The following ARHGAP29 variants were observed in gnomAD, a reference collection of about 807,000 sequenced individuals.
ARHGAP29 encodes rho GTPase-activating protein 29.
A neutral mutation model predicts 122.6 loss-of-function variants in ARHGAP29; 43 were observed. That is an observed-to-expected ratio of 0.35 (90% confidence interval 0.27 to 0.45). ARHGAP29 has a LOEUF of 0.45. Ranked by LOEUF, ARHGAP29 falls within the 20% of genes least tolerant of loss-of-function variation. ARHGAP29 has a pLI of 1.00. For synonymous variants in ARHGAP29, 506 were observed against 497.1 expected, an observed-to-expected ratio of 1.02 and a Z score of -0.24; for missense variants, 1,303 against 1,477.2, an observed-to-expected ratio of 0.88 and a Z score of 1.93.
chr1:94,308,013 G>A, the ARHGAP29 span, among the ~76,000 whole-genome samples: 1 of 152,216 alleles, frequency 6.6e-6, no homozygotes, highest in East Asian at 1.9e-4. Flanking sequence ...ATTACTCTCT[G>A]TCCCTCCTCT....
intron 13 of ARHGAP29, 80 bp downstream of exon 13, chr1:94,189,846 C>G (rs1027889557): frequency 8.6e-6 from 12 of 1,397,972 alleles, no homozygotes; most frequent in Non-Finnish European, 1.1e-5. Context: ...TTAGAAAAGT[C>G]TCCTCCTTGT....
At chr1:94,178,228 T>C (rs1476280043) in intron 20 of ARHGAP29, 61 bp from the exon 21 acceptor site, 1 of 1,499,462 alleles carries the variant, frequency 6.7e-7, no homozygotes, top group African/African-American at 1.4e-5. Context: ...TTGACTGTAG[T>C]TTACTATGGA....
At chr1:94,292,217 G>C in the ARHGAP29 span, among the ~76,000 whole-genome samples, 1 of 151,946 alleles carries the variant, frequency 6.6e-6, no homozygotes, top group Admixed American at 6.6e-5. Context: ...TTCAATCACT[G>C]ATGTCCTTTC....
intron 1 of ARHGAP29, among the ~76,000 whole-genome samples, chr1:94,253,266 ATCCAT>A (rs1367090325): frequency 6.6e-6 from 1 of 151,800 alleles, no homozygotes; most frequent in Non-Finnish European, 1.5e-5. Context: ...ACTGCGCCCG[ATCCAT>A]TCTCTTTTAT....
At position 94,172,931 on chromosome 1, in the gene ARHGAP29, C is replaced by T. The variant is rs1403199767; in HGVS notation, c.*938G>A. 3 of 152,388 alleles carry T rather than the reference C, an allele frequency of 2.0e-5. No individual in the cohort carries two copies. The highest frequency in any genetic ancestry group is 7.2e-5 in the African/African-American group (3 of 41,408). 9.4% of individuals were successfully genotyped at this position (152,388 alleles called of 1,614,324 possible). On this transcript the variant is annotated 3_prime_UTR_variant, in exon 23 of 23. Coordinates refer to ENST00000260526, the MANE Select transcript of ARHGAP29 (RefSeq NM_004815.4). ...ATATGTACTTTCAGTTGTTGACAATCCAGGTAGAACAAGTACATAAAATGA... is the reference window on the plus strand; with the variant it reads ...ATATGTACTTTCAGTTGTTGACAATTCAGGTAGAACAAGTACATAAAATGA...
At chr1:94,207,322 T>G (rs1651267677) in intron 5 of ARHGAP29, among the ~76,000 whole-genome samples, 1 of 152,124 alleles carries the variant, frequency 6.6e-6, no homozygotes, top group South Asian at 2.1e-4. Context: ...TTAAAGGGTA[T>G]TTTTCAAAAC....
intron 3 of ARHGAP29, 109 bp downstream of exon 3, chr1:94,220,149 A>T: frequency 8.2e-7 from 1 of 1,220,432 alleles, no homozygotes; most frequent in Non-Finnish European, 1.2e-6. Context: ...ATTAACATAC[A>T]TCACACAAAT....
At chr1:94,293,422 AC>A in the ARHGAP29 span, among the ~76,000 whole-genome samples, 1 of 152,058 alleles carries the variant, frequency 6.6e-6, no homozygotes, top group African/African-American at 2.4e-5. Flanking sequence ...AAATCCCCCG[AC>A]CCTTTGCACT....
At chr1:94,278,853 A>G (rs1231006376), upstream of ARHGAP29, among the ~76,000 whole-genome samples, 1 of 152,234 alleles carries the variant, frequency 6.6e-6, no homozygotes, top group Non-Finnish European at 1.5e-5. Flanking sequence ...AATAAATACA[A>G]GCAAATGCTT....
chr1:94,255,765 T>C (rs1281745836), intron 1 of ARHGAP29, among the ~76,000 whole-genome samples: 1 of 152,226 alleles, frequency 6.6e-6, no homozygotes, highest in African/African-American at 2.4e-5. Context: ...GATTGATTCG[T>C]TTCTGCTCAG....
the ARHGAP29 span, among the ~76,000 whole-genome samples, chr1:94,296,923 T>C: frequency 6.6e-6 from 1 of 152,074 alleles, no homozygotes; most frequent in Non-Finnish European, 1.5e-5. Flanking sequence ...TAGTAGAAAA[T>C]GGGTTATATT....
Position 94,220,526 on chromosome 1 carries a change from T to A in ARHGAP29, c.206-134A>T, listed in dbSNP as rs1289028519. The A allele has an allele frequency of 9.1e-6, 6 of 656,810 alleles. No individual in the cohort carries two copies. The East Asian group carries it at 1.4e-4, about 16-fold the overall frequency. The allele number at this position is 656,810 out of a possible 1,614,324, so 40.7% of individuals were successfully genotyped here. Reference sequence around the variant, plus strand: ...TTTGCCTACTATACATTCATTTATATCTTCACTGCTGCAATTATATACAAT... The same window carrying A: ...TTTGCCTACTATACATTCATTTATAACTTCACTGCTGCAATTATATACAAT... On this transcript the variant is annotated intron_variant, in intron 2 of 22. Transcript: ENST00000260526.
chr1:94,179,592 CAAAAAAAAAAAA>C (rs67114194), intron 20 of ARHGAP29, 121 bp downstream of exon 20: 11 of 220,914 alleles, frequency 5.0e-5, no homozygotes, highest in South Asian at 8.3e-5. Flanking sequence ...GACTCTGTCT[CAAAAAAAAAAAA>C]AAAAAAAAAA....
intron 20 of ARHGAP29, 24 bp from the exon 21 acceptor site, chr1:94,178,191 T>G (rs752047579): frequency 2.7e-5 from 43 of 1,583,162 alleles, no homozygotes; most frequent in Non-Finnish European, 3.5e-5. Context: ...CACATAAAGT[T>G]GTATGAGATT....
intron 12 of ARHGAP29, among the ~76,000 whole-genome samples, chr1:94,199,814 T>A (rs1463716518): frequency 2.6e-5 from 4 of 152,226 alleles, no homozygotes; most frequent in African/African-American, 9.6e-5. Context: ...TGTGGCCCTG[T>A]GTGGATTGAC....
At position 94,173,650 on chromosome 1, in the gene ARHGAP29, A is replaced by G; in HGVS notation, c.*219T>C. On this transcript the variant is annotated 3_prime_UTR_variant, in exon 23 of 23. Coordinates refer to ENST00000260526, the MANE Select transcript of ARHGAP29 (RefSeq NM_004815.4). ...ATCTTATTCACAACTTTAAAAATAC[A>G]GAATTTAAAGATAATTCCAGTGAGG... The G allele has an allele frequency of 4.1e-6, 2 of 491,686 alleles. No individual in the cohort carries two copies. The highest frequency in any genetic ancestry group is 6.9e-6 in the Non-Finnish European group (2 of 288,230). The allele number at this position is 491,686 out of a possible 1,614,324, so 30.5% of individuals were successfully genotyped here.
intron 1 of ARHGAP29, among the ~76,000 whole-genome samples, chr1:94,273,515 C>T (rs1255245461): frequency 6.6e-6 from 1 of 152,160 alleles, no homozygotes; most frequent in Non-Finnish European, 1.5e-5. Flanking sequence ...CTACTCCACC[C>T]TCTGCATTTT....
At chr1:94,297,741 T>C in the ARHGAP29 span, among the ~76,000 whole-genome samples, 1 of 152,134 alleles carries the variant, frequency 6.6e-6, no homozygotes, top group Non-Finnish European at 1.5e-5. Context: ...TGGGGGTTCT[T>C]GTTGGGAATG....
At chr1:94,305,666 G>A in the ARHGAP29 span, among the ~76,000 whole-genome samples, 2 of 152,168 alleles carry the variant, frequency 1.3e-5, no homozygotes, top group African/African-American at 4.8e-5. Context: ...TGGCAGGGGG[G>A]ATGAATATAA....
Sources: allele counts gnomAD v4.1 joint callset (sites outside exome capture counted in the v4.1 genomes callset), GRCh38; gene constraint gnomAD v4.1.1; transcripts MANE v1.5; gene names NCBI Gene and HGNC (gene_info 2026-07-23, HGNC 2026-07-21).